The following TARS1 variants were observed in gnomAD, a reference collection of about 807,000 sequenced individuals.
TARS1 encodes the protein threonine--tRNA ligase 1, cytoplasmic.
TARS1 carries 57 observed loss-of-function variants against 97.7 expected under a neutral mutation model. That is an observed-to-expected ratio of 0.58 (90% CI 0.47 to 0.73). The LOEUF is 0.73. Ranked by LOEUF, TARS1 falls within the 30% of genes least tolerant of loss-of-function variation. TARS1 has a pLI of 0.00. For missense variants in TARS1, 806 were observed against 888.3 expected, an observed-to-expected ratio of 0.91 and a Z score of 1.18; for synonymous variants, 312 against 293.7, an observed-to-expected ratio of 1.06 and a Z score of -0.64.
At chr5:33,450,603 T>C (rs1196809354) in intron 3 of TARS1, among the ~76,000 whole-genome samples, 2 of 152,212 alleles carry the variant, frequency 1.3e-5, no homozygotes, top group Non-Finnish European at 2.9e-5. Context: ...CCTTTACGTA[T>C]CAGTTCAACC....
chr5:33,459,285 G>A (rs1022246694), intron 10 of TARS1, among the ~76,000 whole-genome samples: 3 of 151,996 alleles, frequency 2.0e-5, no homozygotes, highest in Non-Finnish European at 4.4e-5. Flanking sequence ...CCATGTATTT[G>A]TACCCTTAAA....
chr5:33,442,706 G>A (rs1035351315), intron 1 of TARS1, among the ~76,000 whole-genome samples: 44 of 152,038 alleles, frequency 2.9e-4, no homozygotes, highest in African/African-American at 1.1e-3. Flanking sequence ...GGGTTTCACC[G>A]TGTTAGCCAG....
intron 9 of TARS1, among the ~76,000 whole-genome samples, chr5:33,458,273 T>C (rs1259079748): frequency 6.6e-6 from 1 of 152,162 alleles, no homozygotes; most frequent in African/African-American, 2.4e-5. Flanking sequence ...GGTACTGCAG[T>C]GGATAGTTAA....
chr5:33,443,985 C>T (rs1001563034), intron 1 of TARS1, among the ~76,000 whole-genome samples: 5 of 151,844 alleles, frequency 3.3e-5, no homozygotes, highest in African/African-American at 7.2e-5. Context: ...ATACAAGTAA[C>T]GCATTTTATA....
rs1013182446 is a variant in TARS1, at chr5:33,458,797, G to A, written c.1083+133G>A. 8.2e-6 allele frequency: 6 copies of A among 736,156 alleles called. No homozygotes were observed. In the African/African-American group the frequency reaches 9.0e-5, roughly 11 times the overall value. The allele number at this position is 736,156 out of a possible 1,614,324, so 45.6% of individuals were successfully genotyped here. Reference sequence around the variant, plus strand: ...AGACGATAAGTAAAAGTAGAAGTCTGTGGCCTCATAAATCATCCCTAATAG... The same window carrying A: ...AGACGATAAGTAAAAGTAGAAGTCTATGGCCTCATAAATCATCCCTAATAG... On this transcript the variant is annotated intron_variant, in intron 10 of 18. Coordinates refer to ENST00000265112, the MANE Select transcript of TARS1 (RefSeq NM_152295.5).
chr5:33,458,513 C>T, intron 9 of TARS1, 53 bp from the exon 10 acceptor site: 7 of 1,472,674 alleles, frequency 4.8e-6, no homozygotes, highest in South Asian at 2.4e-5. Context: ...TGTATATATA[C>T]ACACACGTAT....
intron 4 of TARS1, among the ~76,000 whole-genome samples, chr5:33,454,726 C>T (rs1029621921): frequency 7.1e-6 from 1 of 141,222 alleles, no homozygotes; most frequent in African/African-American, 2.8e-5. Context: ...AACAGCTAAA[C>T]CAGATGATTT....
intron 2 of TARS1, among the ~76,000 whole-genome samples, chr5:33,447,195 CAATT>C (rs1405725502): frequency 1.3e-5 from 2 of 152,068 alleles, no homozygotes; most frequent in Admixed American, 1.3e-4. Context: ...ACTGGGCAGA[CAATT>C]AATCTTTTTC....
At chr5:33,458,792 A>G in intron 10 of TARS1, 128 bp downstream of exon 10, 1 of 762,178 alleles carries the variant, frequency 1.3e-6, no homozygotes, top group Non-Finnish European at 2.0e-6. Flanking sequence ...TAAAAGTAGA[A>G]GTCTGTGGCC....
At chr5:33,460,682 GT>G (rs1467451986) in intron 11 of TARS1, among the ~76,000 whole-genome samples, 12 of 152,172 alleles carry the variant, frequency 7.9e-5, no homozygotes, top group Admixed American at 1.3e-4. Flanking sequence ...GTTGGAATAC[GT>G]TTTTTAATTC....
chr5:33,466,901 A>G lies in TARS1; in HGVS notation c.1939A>G (p.Met647Val), dbSNP rs771126238. ...VRQQFHDAKF[M>V]ADIDLDPGCT... ...ACAACAATTCCACGATGCCAAATTC[A>G]TGGCAGACATTGATCTGGATCCAGG... The change falls in exon 18 of 19, where the codon ATG becomes GTG. Residue 647 changes from methionine (M) to valine (V), a missense_variant. This residue lies in a region of TARS1 where 446 missense variants were observed against 511.0 expected (regional missense o/e 0.87). Transcript: ENST00000265112. 1.4e-5 allele frequency: 23 copies of G among 1,602,786 alleles called. No homozygotes were observed. Among genetic ancestry groups the G allele is most frequent in the Non-Finnish European group, 1.9e-5 (22 of 1,174,968 alleles).
intron 17 of TARS1, among the ~76,000 whole-genome samples, chr5:33,464,820 G>A (rs1742455790): frequency 6.6e-6 from 1 of 152,128 alleles, no homozygotes; most frequent in Non-Finnish European, 1.5e-5. Flanking sequence ...GCTCACGCCT[G>A]TAATCCCAGC....
At chr5:33,460,110 G>C (rs1004082202) in intron 11 of TARS1, 2 of 337,532 alleles carry the variant, frequency 5.9e-6, no homozygotes, top group Middle Eastern at 8.4e-4. Context: ...GGGACTGCAG[G>C]TATATGCCAC....
In TARS1 at chr5:33,467,692, CAGA is replaced by C. The variant is rs781265957; in HGVS notation, c.2164_2166del (p.Glu722del). ...CTCAAAGAGTTCCGCAGCAAACAGG[CAGA>C]AGAAGAATTTTAATGAAAAAATTAC... On this transcript the variant is annotated inframe_deletion, in exon 19 of 19. Transcript: ENST00000265112. 6.8e-6 allele frequency: 11 copies of C among 1,609,124 alleles called. No individual in the cohort carries two copies. The highest frequency in any genetic ancestry group is 9.3e-6 in the Non-Finnish European group (11 of 1,178,602).
Position 33,467,622 on chromosome 5 carries a change from C to T in TARS1, c.2086C>T (p.His696Tyr), listed in dbSNP as rs1357491459. 6.2e-7 allele frequency: 1 copy of T among 1,613,666 alleles called. No homozygotes were observed. The highest frequency in any genetic ancestry group is 8.5e-7 in the Non-Finnish European group (1 of 1,179,892). The part of the protein sequence containing the change: ...VNIRTRDNKV[H>Y]GERTISETIE... ...TATCCGCACAAGAGACAATAAGGTC[C>T]ACGGGGAACGCACCATTTCTGAAAC... is the stretch of plus-strand genomic sequence containing the variant. The change falls in exon 19 of 19, where the codon CAC becomes TAC. Residue 696 changes from histidine to tyrosine, a missense_variant. Physicochemically the swap from His to Tyr is moderately conservative, Grantham distance 83. Coordinates refer to ENST00000265112, the MANE Select transcript of TARS1 (RefSeq NM_152295.5).
intron 10 of TARS1, among the ~76,000 whole-genome samples, chr5:33,459,060 T>C (rs1041996057): frequency 4.6e-5 from 7 of 152,234 alleles, no homozygotes; most frequent in African/African-American, 1.7e-4. Flanking sequence ...AATATTCACA[T>C]TGGGCTATAT....
At chr5:33,441,434 G>A in intron 1 of TARS1, 1 of 355,166 alleles carries the variant, frequency 2.8e-6, no homozygotes. Flanking sequence ...GTAGTTAGAC[G>A]CGGAGACAGA....
intron 4 of TARS1, among the ~76,000 whole-genome samples, chr5:33,453,833 C>T (rs1372121470): frequency 6.6e-6 from 1 of 151,940 alleles, no homozygotes; most frequent in Non-Finnish European, 1.5e-5. Context: ...TATTCTCCTG[C>T]CTCAGCCTCC....
At position 33,460,895 on chromosome 5, in the gene TARS1, T is replaced by A. The variant is rs777309745; in HGVS notation, c.1251-7T>A. ...AAGTGTCCGTGGACTTTTCTTTTTCTCTTCAGCCTTATGTTTGATCATCGG... is the reference window on the plus strand; with the variant it reads ...AAGTGTCCGTGGACTTTTCTTTTTCACTTCAGCCTTATGTTTGATCATCGG... On this transcript the variant is annotated splice_region_variant and splice_polypyrimidine_tract_variant and intron_variant, in intron 11 of 18. Coordinates refer to ENST00000265112, the MANE Select transcript of TARS1 (RefSeq NM_152295.5). 6.2e-7 allele frequency: 1 copy of A among 1,613,652 alleles called. No homozygotes were observed. Among genetic ancestry groups the A allele is most frequent in the African/African-American group, 1.3e-5 (1 of 74,856 alleles).
Sources: gnomAD v4.1 joint callset for allele counts (sites outside exome capture counted in the v4.1 genomes callset) on GRCh38, gnomAD v4.1.1 for gene constraint, gnomAD v4.1.1 regional missense constraint, MANE v1.5 for transcripts, NCBI Gene and HGNC (gene_info 2026-07-23, HGNC 2026-07-21) for gene names.